Variants in KCNRG observed in about 807,000 individuals in gnomAD.
KCNRG encodes the protein potassium channel regulatory protein.
A neutral mutation model predicts 17.7 loss-of-function variants in KCNRG; 17 were observed. The observed-to-expected ratio is 0.96, with a 90% CI of 0.66 to 1.44. The LOEUF (loss-of-function observed/expected upper bound fraction) is 1.44. Ranked by LOEUF, KCNRG falls within the 40% of genes most tolerant of loss-of-function variation. KCNRG has a pLI of 0.00. For synonymous variants in KCNRG, 97 were observed against 116.5 expected (o/e 0.83, Z 1.08); for missense variants, 311 against 321.1 (o/e 0.97, Z 0.24).
chr13:50,020,448 G>T lies in KCNRG; in HGVS notation c.813G>T (p.Lys271Asn), dbSNP rs180865044. The T allele has an allele frequency of 2.2e-4, 357 of 1,612,516 alleles. No individual in the cohort carries two copies. Among genetic ancestry groups the T allele is most frequent in the East Asian group, 1.6e-3 (70 of 44,858 alleles). ...TCATACCAGAGCAATCTCAGATAAA[G>T]AAATGAAGTTGTCTATCCTCTTTTA... is the stretch of plus-strand genomic sequence containing the variant. ...TIIIPEQSQI[K>N]K is the part of the protein sequence containing the mutation. Residue 271 changes from lysine to asparagine, a missense_variant, in exon 2 of 2, where the codon AAG (lysine) becomes AAT (asparagine). Coordinates refer to ENST00000312942, the MANE Select transcript of KCNRG (RefSeq NM_173605.2).
rs1329591198 is a variant in KCNRG, at chr13:50,015,789, A to G, written c.296A>G (p.Asn99Ser). 6.2e-7 allele frequency: 1 copy of G among 1,613,982 alleles called. No individual in the cohort carries two copies. Among genetic ancestry groups the G allele is most frequent in the Non-Finnish European group, 8.5e-7 (1 of 1,180,000 alleles). The change falls in exon 1 of 2, where the codon AAC becomes AGC. Residue 99 changes from asparagine (N) to serine (S), a missense_variant. Asn to Ser is a conservative substitution (Grantham distance 46). Transcript: ENST00000312942. ...CTTCGTTCTCTAGTTGATCTCTTAA[A>G]CCCATACCTGCTACAGCCAAGACCT... ...YELRSLVDLL[N>S]PYLLQPRPAL...
At chr13:50,017,192 T>C (rs1205182987) in intron 1 of KCNRG, 2 of 167,204 alleles carry the variant, frequency 1.2e-5, no homozygotes, top group South Asian at 2.1e-4. Context: ...TGGGATACTT[T>C]AACAAAAATG....
In KCNRG at chr13:50,015,459, G is replaced by A. The variant is rs754513414; in HGVS notation, c.-35G>A. 5.5e-6 allele frequency: 8 copies of A among 1,466,060 alleles called. No homozygotes were observed. The highest frequency in any genetic ancestry group is 7.5e-6 in the Non-Finnish European group (8 of 1,062,974). The allele number at this position is 1,466,060 out of a possible 1,614,324, so 90.8% of individuals were successfully genotyped here. ...GTTATAGGTTGATTTCCTAAGTGTG[G>A]CTGATGGTAGCCTCTAGTTTGAAGT... On this transcript the variant is annotated 5_prime_UTR_variant, in exon 1 of 2. Transcript: ENST00000312942.
chr13:50,016,176 A>G, intron 1 of KCNRG, 105 bp downstream of exon 1: 1 of 809,202 alleles, frequency 1.2e-6, no homozygotes, highest in East Asian at 2.7e-5. Flanking sequence ...ATGATTATTC[A>G]AAATAATGTT....
Position 50,020,474 on chromosome 13 carries a change from A to C in KCNRG, c.*20A>C, listed in dbSNP as rs1379245561. 1 of 1,605,288 alleles carries C rather than the reference A, an allele frequency of 6.2e-7. No homozygotes were observed. ...AAATGAAGTTGTCTATCCTCTTTTA[A>C]AGAGAAATTGCCATTTTTCTTGTTT... is the stretch of plus-strand genomic sequence containing the variant. On this transcript the variant is annotated 3_prime_UTR_variant, in exon 2 of 2. Transcript: ENST00000312942.
chr13:50,017,517 CATTAT>C (rs1876758602), intron 1 of KCNRG: 1 of 166,964 alleles, frequency 6.0e-6, no homozygotes, highest in Admixed American at 6.6e-5. Flanking sequence ...AGTGAGAAAA[CATTAT>C]ATTTAGACTT....
Position 50,015,518 on chromosome 13 carries a change from T to A in KCNRG, c.25T>A (p.Leu9Met). 6.2e-7 allele frequency: 1 copy of A among 1,613,390 alleles called. No homozygotes were observed. The highest frequency in any genetic ancestry group is 8.5e-7 in the Non-Finnish European group (1 of 1,179,620). The change falls in exon 1 of 2, where the codon TTG becomes ATG. Residue 9 changes from leucine (L) to methionine (M), a missense_variant. Physicochemically the swap from Leu to Met is conservative, Grantham distance 15. Coordinates refer to ENST00000312942, the MANE Select transcript of KCNRG (RefSeq NM_173605.2). ...AATGAGTAGTCAGGAACTGGTCACT[T>A]TGAATGTGGGAGGGAAGATATTCAC... MSSQELVTLNVGGKIFTTR... is the reference protein window; with the variant it reads MSSQELVTMNVGGKIFTTR...
At chr13:50,016,105 C>A in intron 1 of KCNRG, 34 bp downstream of exon 1, 1 of 1,480,732 alleles carries the variant, frequency 6.8e-7, no homozygotes, top group Non-Finnish European at 9.4e-7. Context: ...CTCTTGTATA[C>A]CAGTTTGTGA....
chr13:50,020,764 T>TAA lies in KCNRG; in HGVS notation c.*310_*311insAA. 4.0e-6 allele frequency: 1 copy of TAA among 248,630 alleles called. No homozygotes were observed. The highest frequency in any genetic ancestry group is 7.8e-6 in the Non-Finnish European group (1 of 127,596). The allele number at this position is 248,630 out of a possible 1,614,324, so 15.4% of individuals were successfully genotyped here. ...GCTTGGGTGACAGAGGAAGACTGTC[T>TAA]CAAAAAAAAAAAAATTGATCAAACT... On this transcript the variant is annotated 3_prime_UTR_variant, in exon 2 of 2. Transcript: ENST00000312942.
intron 1 of KCNRG, chr13:50,016,997 A>C (rs1242964611): frequency 6.0e-6 from 1 of 166,946 alleles, no homozygotes. Context: ...CAACTGGAGG[A>C]CACTAGGTAG....
In KCNRG at chr13:50,020,483, T is replaced by C; in HGVS notation, c.*29T>C. 1 of 1,602,314 alleles carries C rather than the reference T, an allele frequency of 6.2e-7. No homozygotes were observed. The highest frequency in any genetic ancestry group is 8.5e-7 in the Non-Finnish European group (1 of 1,173,714). On this transcript the variant is annotated 3_prime_UTR_variant, in exon 2 of 2. Coordinates refer to ENST00000312942, the MANE Select transcript of KCNRG (RefSeq NM_173605.2). Reference sequence around the variant, plus strand: ...TGTCTATCCTCTTTTAAAGAGAAATTGCCATTTTTCTTGTTTCATTACGTA... The same window carrying C: ...TGTCTATCCTCTTTTAAAGAGAAATCGCCATTTTTCTTGTTTCATTACGTA...
At position 50,015,943 on chromosome 13, in the gene KCNRG, G is replaced by A. The variant is rs146042869; in HGVS notation, c.450G>A (p.Pro150=). Residue 150 remains proline (P), a synonymous_variant, in exon 1 of 2, where the codon CCG becomes CCA. Coordinates refer to ENST00000312942, the MANE Select transcript of KCNRG (RefSeq NM_173605.2). ...ITVFTEQPSA[P]TWNGNFFPPQ... The stretch of plus-strand genomic sequence containing the variant: ...TGTTTACAGAACAACCTTCAGCGCC[G>A]ACCTGGAATGGTAACTTTTTCCCTC... 6 of 1,614,046 alleles carry A rather than the reference G, an allele frequency of 3.7e-6. No individual in the cohort carries two copies. The highest frequency in any genetic ancestry group is 3.3e-5 in the Admixed American group (2 of 60,018).
chr13:50,015,601 T>TG lies in KCNRG; in HGVS notation c.110dup (p.Arg38GlnfsTer19). 1 of 1,614,148 alleles carries TG rather than the reference T, an allele frequency of 6.2e-7. No homozygotes were observed. Among genetic ancestry groups the TG allele is most frequent in the Middle Eastern group, 1.6e-4 (1 of 6,062 alleles). Reference sequence around the variant, plus strand: ...CTTCTCGTTTGGCACGCATGTTAGATGGCAGAGACCAAGAATTCAAGATGG... The same window carrying TG: ...CTTCTCGTTTGGCACGCATGTTAGATGGGCAGAGACCAAGAATTCAAGATGG... On this transcript the variant is annotated frameshift_variant, in exon 1 of 2. Coordinates refer to ENST00000312942, the MANE Select transcript of KCNRG (RefSeq NM_173605.2). LOFTEE classifies it high-confidence loss of function.
rs766404770 is a variant in KCNRG, at chr13:50,020,297, A to C, written c.662A>C (p.Glu221Ala). Residue 221 changes from glutamate to alanine, a missense_variant, in exon 2 of 2, where the codon GAA becomes GCA. By Grantham distance (107) the Glu-to-Ala change is moderately radical. Transcript: ENST00000312942. ...TTACTGATTGACACTTTATTAAAGGAAGGCTTTCATTTGGTCAGCACTAGA... is the reference window on the plus strand; with the variant it reads ...TTACTGATTGACACTTTATTAAAGGCAGGCTTTCATTTGGTCAGCACTAGA... ...LGLLIDTLLK[E>A]GFHLVSTRTV... The C allele has an allele frequency of 1.6e-5, 26 of 1,613,996 alleles. No individual in the cohort carries two copies. Among genetic ancestry groups the C allele is most frequent in the Non-Finnish European group, 1.1e-5 (13 of 1,179,966 alleles).
Position 50,015,997 on chromosome 13 carries a change from A to G in KCNRG, c.504A>G (p.Pro168=). The change falls in exon 1 of 2, where the codon CCA becomes CCG. Residue 168 remains proline (P), a synonymous_variant. Transcript: ENST00000312942. ...PPQMTLLPLP[P]QRPSYHDLVF... is the part of the protein sequence containing the mutation. ...AGATGACCTTACTTCCACTGCCTCC[A>G]CAAAGACCTTCTTACCATGACCTGG... is the stretch of plus-strand genomic sequence containing the variant. 6.2e-7 allele frequency: 1 copy of G among 1,614,088 alleles called. No homozygotes were observed. The highest frequency in any genetic ancestry group is 1.3e-5 in the African/African-American group (1 of 75,022).
At chr13:50,018,439 C>G (rs1876902233) in intron 1 of KCNRG, 1 of 166,104 alleles carries the variant, frequency 6.0e-6, no homozygotes, top group Non-Finnish European at 1.5e-5. Context: ...TCTGTTGTAT[C>G]AAACATAATA....
At chr13:50,016,264 G>A (rs972518835) in intron 1 of KCNRG, 193 bp downstream of exon 1, 2 of 548,908 alleles carry the variant, frequency 3.6e-6, no homozygotes, top group African/African-American at 3.8e-5. Flanking sequence ...AGTGAAAGGG[G>A]CTATTATTAG....
In KCNRG at chr13:50,020,765, C is replaced by CAAA; in HGVS notation, c.*322_*324dup. ...CTTGGGTGACAGAGGAAGACTGTCT[C>CAAA]AAAAAAAAAAAAATTGATCAAACTG... On this transcript the variant is annotated 3_prime_UTR_variant, in exon 2 of 2. Transcript: ENST00000312942. The CAAA allele has an allele frequency of 1.5e-5, 3 of 200,366 alleles. No individual in the cohort carries two copies. The highest frequency in any genetic ancestry group is 1.0e-4 in the South Asian group (1 of 9,648). 12.4% of individuals were successfully genotyped at this position (200,366 alleles called of 1,614,324 possible). A position where few individuals can be genotyped will look rare whatever the true frequency, so the allele number is the denominator to read the frequency against.
intron 1 of KCNRG, 114 bp from the exon 2 acceptor site, chr13:50,020,100 A>T: frequency 1.0e-6 from 1 of 965,792 alleles, no homozygotes; most frequent in Non-Finnish European, 1.5e-6. Flanking sequence ...TCAAAAAAAA[A>T]ATCTGTCTTG....
Sources: gnomAD v4.1 joint callset for allele counts on GRCh38, gnomAD v4.1.1 for gene constraint, MANE v1.5 for transcripts, NCBI Gene and HGNC (gene_info 2026-07-23, HGNC 2026-07-21) for gene names.